KHDRBS2: variants seen among roughly 807,000 people sequenced by gnomAD.
The protein encoded by KHDRBS2 is KH domain-containing, RNA-binding, signal transduction-associated protein 2.
A neutral mutation model predicts 44.3 loss-of-function variants in KHDRBS2; 26 were observed. That is an observed-to-expected ratio of 0.59 (90% CI 0.43 to 0.81). The LOEUF is 0.81. Among genes scored for constraint, KHDRBS2 ranks in the 40% least tolerant of loss-of-function variants. The probability of loss-of-function intolerance (pLI) is 0.00; values close to 1 mark genes in which losing one functional copy is unlikely to be tolerated. For missense variants in KHDRBS2, 476 were observed against 433.1 expected, an observed-to-expected ratio of 1.10 and a Z score of -0.88; for synonymous variants, 194 against 151.1, an observed-to-expected ratio of 1.28 and a Z score of -2.08.
At chr6:62,276,743 GCAA>G (rs1303658480) in intron 1 of KHDRBS2, among the ~76,000 whole-genome samples, 5 of 151,932 alleles carry the variant, frequency 3.3e-5, no homozygotes, top group Non-Finnish European at 7.4e-5. Context: ...GAAGTTAATG[GCAA>G]CAACAACATT....
intron 4 of KHDRBS2, among the ~76,000 whole-genome samples, chr6:61,943,115 G>GAAAAAAGAAAGA (rs150161278): frequency 0.34 from 50,687 of 149,336 alleles, 8,762 homozygotes; most frequent in Middle Eastern, 0.4. Flanking sequence ...AGAAAGAAAA[G>GAAAAAAGAAAGA]AAAAAAGAAA....
At chr6:61,629,674 T>A in the KHDRBS2 span, among the ~76,000 whole-genome samples, 1 of 152,212 alleles carries the variant, frequency 6.6e-6, no homozygotes, top group Non-Finnish European at 1.5e-5. Context: ...AAGAGGTTTA[T>A]ACATTCTGAA....
At chr6:62,260,649 G>A (rs1030372318) in intron 1 of KHDRBS2, among the ~76,000 whole-genome samples, 1 of 151,806 alleles carries the variant, frequency 6.6e-6, no homozygotes. Context: ...AATTCCTGGT[G>A]ATCTCTTTCA....
intron 6 of KHDRBS2, among the ~76,000 whole-genome samples, chr6:61,780,418 T>A (rs1782757675): frequency 1.3e-5 from 2 of 152,160 alleles, no homozygotes; most frequent in Non-Finnish European, 2.9e-5. Flanking sequence ...GAGGACGGCT[T>A]GAGCCTGGGA....
chr6:61,631,469 G>A, the KHDRBS2 span, among the ~76,000 whole-genome samples: 89,727 of 151,796 alleles, frequency 0.59, 26,720 homozygotes, highest in African/African-American at 0.61. Context: ...GCTGAATTAA[G>A]TCTAAATATC....
intron 2 of KHDRBS2, among the ~76,000 whole-genome samples, chr6:62,133,814 T>C (rs1304022131): frequency 1.3e-5 from 2 of 152,196 alleles, no homozygotes; most frequent in Non-Finnish European, 2.9e-5. Context: ...TGCTATGTTT[T>C]AGCAAAGAGA....
At chr6:61,948,536 C>T (rs536368431) in intron 4 of KHDRBS2, among the ~76,000 whole-genome samples, 2 of 151,908 alleles carry the variant, frequency 1.3e-5, no homozygotes, top group African/African-American at 2.4e-5. Context: ...GAGCAAGTTA[C>T]CTAAATTCTC....
chr6:61,988,921 C>T (rs1320352735), intron 3 of KHDRBS2, among the ~76,000 whole-genome samples: 1 of 152,068 alleles, frequency 6.6e-6, no homozygotes, highest in Non-Finnish European at 1.5e-5. Context: ...AAACACATGT[C>T]AACTGAATTG....
At chr6:61,952,807 A>T (rs1171954348) in intron 4 of KHDRBS2, among the ~76,000 whole-genome samples, 1 of 152,066 alleles carries the variant, frequency 6.6e-6, no homozygotes, top group Middle Eastern at 3.2e-3. Context: ...AAGTTAAACA[A>T]AATAAACGGG....
chr6:61,830,752 G>T (rs1791656147), intron 6 of KHDRBS2, among the ~76,000 whole-genome samples: 1 of 152,108 alleles, frequency 6.6e-6, no homozygotes, highest in Non-Finnish European at 1.5e-5. Flanking sequence ...GAGCCAAATG[G>T]TAAAGTGGAA....
At position 61,778,664 on chromosome 6, in the gene KHDRBS2, C is replaced by A. The variant is rs188390649; in HGVS notation, c.811-45900G>T. ...CCTCTTTCCTGGGACATAGTGCCAC[C>A]GTGCCGCAAGTTGCTTTTTTGCATC... On this transcript the variant is annotated intron_variant, in intron 6 of 8. Transcript: ENST00000281156. Among the ~76,000 whole-genome samples the A allele has an allele frequency of 2.6e-5, 4 of 152,118 alleles. No homozygotes were observed. The South Asian group carries it at 6.2e-4, about 24-fold the overall frequency.
At chr6:62,282,200 G>A (rs547184209) in intron 1 of KHDRBS2, among the ~76,000 whole-genome samples, 1 of 152,120 alleles carries the variant, frequency 6.6e-6, no homozygotes, top group South Asian at 2.1e-4. Flanking sequence ...TAACTCACAA[G>A]TTTGCATGTG....
intron 4 of KHDRBS2, among the ~76,000 whole-genome samples, chr6:61,919,835 A>G (rs1239680382): frequency 2.0e-5 from 3 of 151,920 alleles, no homozygotes; most frequent in African/African-American, 4.8e-5. Context: ...CTTTTTGGGA[A>G]GATGTAATAT....
At chr6:61,947,763 G>T (rs1276610995) in intron 4 of KHDRBS2, among the ~76,000 whole-genome samples, 2 of 151,832 alleles carry the variant, frequency 1.3e-5, no homozygotes, top group Non-Finnish European at 2.9e-5. Context: ...TTATATGCAT[G>T]AATATACTGA....
chr6:62,258,391 C>T (rs855410), intron 1 of KHDRBS2, among the ~76,000 whole-genome samples: 2 of 151,970 alleles, frequency 1.3e-5, no homozygotes, highest in South Asian at 2.1e-4. Context: ...AGATGAATGA[C>T]CTTTTTCATT....
At chr6:62,160,682 C>T (rs193228465) in intron 2 of KHDRBS2, among the ~76,000 whole-genome samples, 63 of 152,116 alleles carry the variant, frequency 4.1e-4, no homozygotes, top group Non-Finnish European at 5.1e-4. Context: ...AAGAAGATGA[C>T]GACCTAGGCC....
At chr6:61,687,562 C>T (rs1296959968) in intron 8 of KHDRBS2, among the ~76,000 whole-genome samples, 1 of 151,872 alleles carries the variant, frequency 6.6e-6, no homozygotes, top group African/African-American at 2.4e-5. Context: ...AGATGTTCTG[C>T]ATTTGCATTA....
intron 1 of KHDRBS2, among the ~76,000 whole-genome samples, chr6:62,206,518 C>T (rs1248372856): frequency 6.6e-6 from 1 of 152,004 alleles, no homozygotes; most frequent in Non-Finnish European, 1.5e-5. Flanking sequence ...ATATATTTCA[C>T]TATTCTTTCA....
At chr6:62,075,465 G>A (rs1038259138) in intron 2 of KHDRBS2, among the ~76,000 whole-genome samples, 4 of 151,858 alleles carry the variant, frequency 2.6e-5, no homozygotes, top group East Asian at 1.9e-4. Context: ...AAAACATCCT[G>A]GTATACCAAT....
Sources: gnomAD v4.1 joint callset for allele counts (sites outside exome capture counted in the v4.1 genomes callset) on GRCh38, gnomAD v4.1.1 for gene constraint, MANE v1.5 for transcripts, NCBI Gene and HGNC (gene_info 2026-07-23, HGNC 2026-07-21) for gene names.